The following GRID2 variants were observed in gnomAD, a reference collection of about 807,000 sequenced individuals.
The protein encoded by GRID2 is glutamate receptor ionotropic, delta-2.
GRID2 carries 33 observed loss-of-function variants against 114.8 expected under a neutral mutation model. That is an observed-to-expected ratio of 0.29 (90% CI 0.22 to 0.38). The LOEUF is 0.38. GRID2 is among the 10% of genes least tolerant of loss of function. The pLI is 1.00. For missense variants in GRID2, 1,184 were observed against 1,257.7 expected (o/e 0.94, Z 0.89); for synonymous variants, 505 against 449.9 (o/e 1.12, Z -1.55).
chr4:93,451,512 G>A (rs1722681270), intron 10 of GRID2, among the ~76,000 whole-genome samples: 1 of 152,054 alleles, frequency 6.6e-6, no homozygotes, highest in Non-Finnish European at 1.5e-5. Flanking sequence ...GCAGGTTGGG[G>A]ATAGCCTACG....
chr4:93,549,514 C>T (rs915408791), intron 13 of GRID2, among the ~76,000 whole-genome samples: 6 of 152,118 alleles, frequency 3.9e-5, no homozygotes, highest in African/African-American at 1.4e-4. Flanking sequence ...ATATGGCATA[C>T]TTCATATACA....
chr4:93,234,636 TTG>T (rs1746553043), intron 7 of GRID2, among the ~76,000 whole-genome samples: 1 of 141,046 alleles, frequency 7.1e-6, no homozygotes, highest in African/African-American at 2.5e-5. Flanking sequence ...TTCTTTGTAT[TTG>T]TCGTCCTCTT....
chr4:93,495,024 A>G (rs1230181103), intron 12 of GRID2, among the ~76,000 whole-genome samples: 2 of 151,806 alleles, frequency 1.3e-5, no homozygotes, highest in Non-Finnish European at 2.9e-5. Flanking sequence ...ATAGTTATTA[A>G]TAACTTTAGA....
chr4:93,113,436 T>A (rs1411612653), intron 4 of GRID2, among the ~76,000 whole-genome samples: 2 of 152,180 alleles, frequency 1.3e-5, no homozygotes, highest in Non-Finnish European at 2.9e-5. Context: ...ACAGGTTGGT[T>A]ATAAATGCAT....
intron 1 of GRID2, among the ~76,000 whole-genome samples, chr4:92,353,136 T>C (rs963241472): frequency 4.6e-5 from 7 of 151,900 alleles, no homozygotes; most frequent in African/African-American, 7.2e-5. Context: ...AATTCTGCTT[T>C]TGAACTCTTT....
chr4:93,066,792 G>A lies in GRID2; in HGVS notation c.245-18203G>A, dbSNP rs1657747808. Reference sequence around the variant, plus strand: ...AGTTTGTCTTTGGCATATTCAAATTGCCAGCATTGCTCTTGCACTTTGGGG... The same window carrying A: ...AGTTTGTCTTTGGCATATTCAAATTACCAGCATTGCTCTTGCACTTTGGGG... On this transcript the variant is annotated intron_variant, in intron 2 of 15. Transcript: ENST00000282020. 4.0e-5 allele frequency among the ~76,000 whole-genome samples: 6 copies of A among 151,822 alleles called. No homozygotes were observed. In the South Asian group the frequency reaches 1.2e-3, roughly 32 times the overall value.
intron 1 of GRID2, among the ~76,000 whole-genome samples, chr4:92,557,681 A>G: frequency 6.8e-6 from 1 of 147,806 alleles, no homozygotes; most frequent in Admixed American, 6.9e-5. Flanking sequence ...TCGATTTCAT[A>G]TACTTCTAGT....
chr4:92,852,089 A>G lies in GRID2; in HGVS notation c.245-232906A>G, dbSNP rs150839577. On this transcript the variant is annotated intron_variant, in intron 2 of 15. Coordinates refer to ENST00000282020, the MANE Select transcript of GRID2 (RefSeq NM_001510.4). Reference sequence around the variant, plus strand: ...TAAAAACATTATTAAAGTATTCATTACAGGCACAATGATAGGCAAATTAAA... The same window carrying G: ...TAAAAACATTATTAAAGTATTCATTGCAGGCACAATGATAGGCAAATTAAA... Among the ~76,000 whole-genome samples, 891 of 152,046 alleles carry G rather than the reference A, an allele frequency of 5.9e-3. 16 individuals carry two copies. The highest frequency in any genetic ancestry group is 0.02 in the African/African-American group (845 of 41,534).
chr4:92,991,829 T>G (rs986017754), intron 2 of GRID2, among the ~76,000 whole-genome samples: 1 of 152,174 alleles, frequency 6.6e-6, no homozygotes, highest in East Asian at 1.9e-4. Flanking sequence ...TAAATCCAAA[T>G]GACATTTTGA....
chr4:93,440,379 C>G (rs531994217), intron 10 of GRID2, among the ~76,000 whole-genome samples: 34 of 152,068 alleles, frequency 2.2e-4, no homozygotes, highest in African/African-American at 8.2e-4. Context: ...AAGGGAAGCC[C>G]TTATAGAGAC....
chr4:93,081,476 A>G (rs1431090352), intron 2 of GRID2, among the ~76,000 whole-genome samples: 1 of 152,176 alleles, frequency 6.6e-6, no homozygotes, highest in African/African-American at 2.4e-5. Context: ...CTGCAGAGTG[A>G]CCACAAAGGG....
chr4:93,626,772 A>C (rs182018910), intron 14 of GRID2, among the ~76,000 whole-genome samples: 1 of 152,334 alleles, frequency 6.6e-6, no homozygotes, highest in Admixed American at 6.5e-5. Context: ...AACAAATGTC[A>C]CAGAGTTAAG....
At chr4:93,059,566 T>C (rs915235992) in intron 2 of GRID2, among the ~76,000 whole-genome samples, 1 of 152,096 alleles carries the variant, frequency 6.6e-6, no homozygotes, top group African/African-American at 2.4e-5. Flanking sequence ...AATTGTTGAA[T>C]CAAATTATTT....
intron 11 of GRID2, among the ~76,000 whole-genome samples, chr4:93,474,709 C>T (rs1725159683): frequency 6.6e-6 from 1 of 152,104 alleles, no homozygotes; most frequent in African/African-American, 2.4e-5. Flanking sequence ...ACATATGTCA[C>T]TCCCTGCCTG....
At chr4:93,302,489 A>G in intron 8 of GRID2, 1 of 445,120 alleles carries the variant, frequency 2.2e-6, no homozygotes, top group Admixed American at 2.4e-5. Context: ...TCACTGAGCA[A>G]TGCGAACATA....
intron 2 of GRID2, among the ~76,000 whole-genome samples, chr4:93,043,746 A>G (rs762066650): frequency 4.6e-5 from 7 of 151,832 alleles, no homozygotes; most frequent in Non-Finnish European, 8.8e-5. Flanking sequence ...GGGAACATCA[A>G]ACACCGGGGC....
At chr4:93,594,800 G>A (rs1189147848) in intron 13 of GRID2, among the ~76,000 whole-genome samples, 8 of 152,156 alleles carry the variant, frequency 5.3e-5, no homozygotes, top group African/African-American at 1.9e-4. Context: ...TATTCGGGTG[G>A]GAGTGACCCG....
chr4:93,345,409 G>A (rs967454833), intron 8 of GRID2, among the ~76,000 whole-genome samples: 5 of 151,904 alleles, frequency 3.3e-5, no homozygotes, highest in African/African-American at 9.7e-5. Context: ...GATGTTGAGC[G>A]TTTTTTCATA....
intron 2 of GRID2, among the ~76,000 whole-genome samples, chr4:92,662,391 T>G (rs1732562950): frequency 1.3e-5 from 2 of 151,004 alleles, no homozygotes; most frequent in Admixed American, 1.3e-4. Context: ...CTGAGCTATG[T>G]TATCTTGTAA....
Sources: gnomAD v4.1 joint callset for allele counts (sites outside exome capture counted in the v4.1 genomes callset) on GRCh38, gnomAD v4.1.1 for gene constraint, MANE v1.5 for transcripts, NCBI Gene and HGNC (gene_info 2026-07-23, HGNC 2026-07-21) for gene names.